The following SLC24A2 variants were observed in gnomAD, a reference collection of about 807,000 sequenced individuals.
SLC24A2 encodes solute carrier family 24 member 2.
SLC24A2 carries 36 observed loss-of-function variants against 62.0 expected under a neutral mutation model. The observed-to-expected ratio is 0.58, with a 90% confidence interval of 0.44 to 0.77. The LOEUF is 0.77. SLC24A2 is among the 30% of genes least tolerant of loss of function. The pLI is 0.00. For missense variants in SLC24A2, 846 were observed against 817.9 expected (o/e 1.03, Z -0.42); for synonymous variants, 358 against 294.0 (o/e 1.22, Z -2.23).
the SLC24A2 span, among the ~76,000 whole-genome samples, chr9:20,076,447 G>A: frequency 3.3e-5 from 5 of 152,124 alleles, no homozygotes; most frequent in African/African-American, 4.8e-5. Context: ...CTGTGACAAT[G>A]GAGGCAGGGA....
At chr9:20,258,658 G>A in the SLC24A2 span, among the ~76,000 whole-genome samples, 1 of 152,104 alleles carries the variant, frequency 6.6e-6, no homozygotes, top group Non-Finnish European at 1.5e-5. Context: ...TCACCATGAA[G>A]CCACGCTATT....
chr9:19,716,743 T>C (rs1305258816), intron 2 of SLC24A2, among the ~76,000 whole-genome samples: 3 of 152,212 alleles, frequency 2.0e-5, no homozygotes, highest in African/African-American at 4.8e-5. Flanking sequence ...ACTATCATCA[T>C]CCCCATTCCC....
intron 2 of SLC24A2, among the ~76,000 whole-genome samples, chr9:19,639,371 G>C (rs952656238): frequency 3.9e-5 from 6 of 152,146 alleles, no homozygotes; most frequent in Non-Finnish European, 7.3e-5. Flanking sequence ...GATTAATCTT[G>C]TGACGCTTTG....
chr9:20,276,347 C>T, the SLC24A2 span, among the ~76,000 whole-genome samples: 1 of 152,214 alleles, frequency 6.6e-6, no homozygotes, highest in African/African-American at 2.4e-5. Flanking sequence ...GCTGGGCAGG[C>T]AAATTAAAGC....
intron 8 of SLC24A2, among the ~76,000 whole-genome samples, chr9:19,549,614 C>T (rs1192250528): frequency 6.6e-6 from 1 of 152,166 alleles, no homozygotes; most frequent in Non-Finnish European, 1.5e-5. Context: ...TTAGGCATTC[C>T]AGTAGACCGT....
At chr9:20,178,736 A>G in the SLC24A2 span, among the ~76,000 whole-genome samples, 1 of 152,190 alleles carries the variant, frequency 6.6e-6, no homozygotes. Flanking sequence ...ATGTCTCATA[A>G]AAGAGAAACT....
At chr9:19,982,378 G>T in the SLC24A2 span, among the ~76,000 whole-genome samples, 1 of 152,184 alleles carries the variant, frequency 6.6e-6, no homozygotes, top group African/African-American at 2.4e-5. Flanking sequence ...AGCACAGTCA[G>T]TTCACAAAAG....
At chr9:19,855,564 A>T in the SLC24A2 span, among the ~76,000 whole-genome samples, 2 of 152,208 alleles carry the variant, frequency 1.3e-5, no homozygotes, top group Non-Finnish European at 2.9e-5. Context: ...GTTTGGCCAG[A>T]TATGAAATTC....
chr9:20,077,651 A>G, the SLC24A2 span, among the ~76,000 whole-genome samples: 55 of 152,270 alleles, frequency 3.6e-4, no homozygotes, highest in East Asian at 9.7e-3. Flanking sequence ...ACTAAACTTG[A>G]CCAGAATTAA....
chr9:19,961,041 T>A, the SLC24A2 span, among the ~76,000 whole-genome samples: 1 of 148,392 alleles, frequency 6.7e-6, no homozygotes, highest in African/African-American at 2.5e-5. Context: ...TGTGTGTGTG[T>A]GTGTGTGTGT....
intron 2 of SLC24A2, among the ~76,000 whole-genome samples, chr9:19,762,474 T>G (rs998034491): frequency 2.0e-5 from 3 of 152,178 alleles, no homozygotes; most frequent in Admixed American, 2.0e-4. Flanking sequence ...CCATCTTGAG[T>G]TAATTTTTGT....
chr9:20,093,786 T>A, the SLC24A2 span, among the ~76,000 whole-genome samples: 5 of 152,152 alleles, frequency 3.3e-5, no homozygotes, highest in Admixed American at 1.3e-4. Context: ...GAGAAATAAT[T>A]TAACTGTAAA....
At chr9:19,636,330 T>TTCTTTTCTTTTCTTTTCTTTTC (rs1491510974) in intron 2 of SLC24A2, among the ~76,000 whole-genome samples, 10 of 30,256 alleles carry the variant, frequency 3.3e-4, no homozygotes, top group Non-Finnish European at 4.1e-4. Context: ...TTTCTTTCTT[T>TTCTTTTCTTTTCTTTTCTTTTC]CTTTCTTTCT....
intron 5 of SLC24A2, among the ~76,000 whole-genome samples, chr9:19,586,169 C>T (rs1586998725): frequency 6.6e-6 from 1 of 152,202 alleles, no homozygotes; most frequent in East Asian, 1.9e-4. Context: ...CCCTCTCCCC[C>T]ATCATAGCAC....
the SLC24A2 span, among the ~76,000 whole-genome samples, chr9:20,097,944 A>T: frequency 2.0e-5 from 3 of 151,432 alleles, no homozygotes; most frequent in East Asian, 3.9e-4. Flanking sequence ...GGGTTTCACC[A>T]TGTTAGCCAG....
chr9:20,187,051 C>T, the SLC24A2 span, among the ~76,000 whole-genome samples: 1 of 152,076 alleles, frequency 6.6e-6, no homozygotes, highest in African/African-American at 2.4e-5. Context: ...TGAGGGAAAG[C>T]TAGGCCTGGA....
At chr9:19,544,240 G>A (rs1212057394) in intron 8 of SLC24A2, among the ~76,000 whole-genome samples, 2 of 143,136 alleles carry the variant, frequency 1.4e-5, no homozygotes, top group Non-Finnish European at 3.0e-5. Context: ...TCGGAGACTA[G>A]GATTGCAACC....
chr9:19,536,195 T>A lies in SLC24A2; in HGVS notation c.1480-8057A>T, dbSNP rs183380783. Among the ~76,000 whole-genome samples the A allele has an allele frequency of 6.0e-3, 895 of 149,730 alleles. 12 individuals carry two copies. Among genetic ancestry groups the A allele is most frequent in the African/African-American group, 0.022 (867 of 40,278 alleles). ...GAAATTTTCTTTTTTTTTAATTTTTTATTTATTTATTTTTTTTTATTACAC... is the reference window on the plus strand; with the variant it reads ...GAAATTTTCTTTTTTTTTAATTTTTAATTTATTTATTTTTTTTTATTACAC... On this transcript the variant is annotated intron_variant, in intron 8 of 10. Transcript: ENST00000341998.
chr9:20,054,214 T>C, the SLC24A2 span, among the ~76,000 whole-genome samples: 21 of 151,980 alleles, frequency 1.4e-4, no homozygotes, highest in African/African-American at 5.1e-4. Flanking sequence ...ATTTTTGAGA[T>C]GGAGTCTCAC....
Sources: allele counts gnomAD v4.1 joint callset (sites outside exome capture counted in the v4.1 genomes callset), GRCh38; gene constraint gnomAD v4.1.1; transcripts MANE v1.5; gene names NCBI Gene and HGNC (gene_info 2026-07-23, HGNC 2026-07-21).